PHKG2: variants seen among roughly 807,000 people sequenced by gnomAD.
PHKG2 encodes the protein phosphorylase b kinase gamma catalytic chain, liver/testis isoform.
In PHKG2, 28 loss-of-function variants were observed where a neutral mutation model predicts 44.5. The observed-to-expected ratio is 0.63, with a 90% confidence interval of 0.47 to 0.86. PHKG2 has a LOEUF of 0.86. Among genes scored for constraint, PHKG2 ranks in the 40% least tolerant of loss-of-function variants. PHKG2 has a pLI of 0.00. For missense variants in PHKG2, 498 were observed against 547.5 expected, an observed-to-expected ratio of 0.91 and a Z score of 0.90; for synonymous variants, 220 against 211.2, an observed-to-expected ratio of 1.04 and a Z score of -0.36.
Position 30,759,725 on chromosome 16 carries a change from C to A in PHKG2, c.*2628C>A. 1 of 1,605,974 alleles carries A rather than the reference C, an allele frequency of 6.2e-7. No homozygotes were observed. Among genetic ancestry groups the A allele is most frequent in the Non-Finnish European group, 8.5e-7 (1 of 1,175,546 alleles). ...TCCTCCACGTTGCCCAAGGGGGTTG[C>A]TGGTAGGGAAAGCAAGATGCAGCAG... On this transcript the variant is annotated 3_prime_UTR_variant, in exon 10 of 10. Transcript: ENST00000563588.
chr16:30,751,267 G>A lies in PHKG2; in HGVS notation c.257G>A (p.Gly86Asp). ...RETHILRQVA[G>D]HPHIITLIDS... ...ACACACATCCTTCGCCAGGTCGCCG[G>A]CCACCCCCACATCAGTGAGGCTGTC... The change falls in exon 3 of 10, where the codon GGC becomes GAC. Residue 86 changes from glycine (G) to aspartate (D), a missense_variant. Gly to Asp is a moderately conservative substitution (Grantham distance 94). Transcript: ENST00000563588. 1 of 1,609,990 alleles carries A rather than the reference G, an allele frequency of 6.2e-7. No homozygotes were observed. The highest frequency in any genetic ancestry group is 8.5e-7 in the Non-Finnish European group (1 of 1,180,002).
intron 1 of PHKG2, 35 bp downstream of exon 1, chr16:30,748,525 G>A: frequency 2.1e-6 from 1 of 483,544 alleles, no homozygotes. Flanking sequence ...CCCTTCCTGC[G>A]CCCGCCCGAA....
At chr16:30,755,000 T>C in intron 6 of PHKG2, 1 of 439,326 alleles carries the variant, frequency 2.3e-6, no homozygotes, top group Non-Finnish European at 4.7e-6. Context: ...TTCGGGGCTG[T>C]TAAAATCTCC....
At position 30,756,682 on chromosome 16, in the gene PHKG2, A is replaced by C; in HGVS notation, c.894A>C (p.Gln298His). Residue 298 changes from glutamine to histidine, a missense_variant, in exon 9 of 10, where the codon CAA (glutamine) becomes CAC (histidine). By Grantham distance (24) the Gln-to-His change is conservative. Transcript: ENST00000563588. ...TCTTTGAGCGTTGTGAAGGCAGCCA[A>C]CCCTGGAACCTCACCCCCCGCCAGC... is the stretch of plus-strand genomic sequence containing the variant. ...HPFFERCEGS[Q>H]PWNLTPRQRF... 6.2e-7 allele frequency: 1 copy of C among 1,613,874 alleles called. No individual in the cohort carries two copies. Among genetic ancestry groups the C allele is most frequent in the Non-Finnish European group, 8.5e-7 (1 of 1,179,954 alleles).
At position 30,760,047 on chromosome 16, in the gene PHKG2, C is replaced by T. The variant is rs970328658; in HGVS notation, c.*2950C>T. 1.3e-6 allele frequency: 2 copies of T among 1,520,012 alleles called. No homozygotes were observed. The highest frequency in any genetic ancestry group is 1.8e-6 in the Non-Finnish European group (2 of 1,138,552). 94.2% of individuals were successfully genotyped at this position (1,520,012 alleles called of 1,614,324 possible). A position where few individuals can be genotyped will look rare whatever the true frequency, so the allele number is the denominator to read the frequency against. The stretch of plus-strand genomic sequence containing the variant: ...ATTCTAAAGCAGGTGTTATTGTGCA[C>T]TATGCATATATTTGCATATATTATT... On this transcript the variant is annotated 3_prime_UTR_variant, in exon 10 of 10. Coordinates refer to ENST00000563588, the MANE Select transcript of PHKG2 (RefSeq NM_000294.3).
At position 30,756,361 on chromosome 16, in the gene PHKG2, T is replaced by C. The variant is rs1397981663; in HGVS notation, c.648-6T>C. The C allele has an allele frequency of 1.9e-6, 3 of 1,614,002 alleles. No homozygotes were observed. The highest frequency in any genetic ancestry group is 2.5e-6 in the Non-Finnish European group (3 of 1,180,032). ...TAGTCCCGCCTGACTCCAGTCTCTTTCCCAGCTGGGCCTGTGGGGTGATCT... is the reference window on the plus strand; with the variant it reads ...TAGTCCCGCCTGACTCCAGTCTCTTCCCCAGCTGGGCCTGTGGGGTGATCT... On this transcript the variant is annotated splice_polypyrimidine_tract_variant and splice_region_variant and intron_variant, in intron 7 of 9. Transcript: ENST00000563588.
chr16:30,755,339 G>A (rs2053402851), intron 6 of PHKG2: 1 of 160,134 alleles, frequency 6.2e-6, no homozygotes, highest in Admixed American at 6.0e-5. Flanking sequence ...TGTGGAATCA[G>A]GGAAGGGTTT....
At chr16:30,750,821 C>T (rs2053334204) in intron 2 of PHKG2, among the ~76,000 whole-genome samples, 1 of 152,132 alleles carries the variant, frequency 6.6e-6, no homozygotes, top group Non-Finnish European at 1.5e-5. Context: ...TGCTGAGGCT[C>T]AGTGTGGGAA....
Position 30,748,786 on chromosome 16 carries a change from C to T in PHKG2, c.-18-17C>T. 1 of 1,499,872 alleles carries T rather than the reference C, an allele frequency of 6.7e-7. No individual in the cohort carries two copies. The highest frequency in any genetic ancestry group is 9.1e-7 in the Non-Finnish European group (1 of 1,100,782). The allele number at this position is 1,499,872 out of a possible 1,614,324, so 92.9% of individuals were successfully genotyped here. A position where few individuals can be genotyped will look rare whatever the true frequency, so the allele number is the denominator to read the frequency against. Reference sequence around the variant, plus strand: ...CTGTGGGCCTCCCTGCCCTCACTGCCCTCCTCCTCCGCGCAGGCCCCCGCC... The same window carrying T: ...CTGTGGGCCTCCCTGCCCTCACTGCTCTCCTCCTCCGCGCAGGCCCCCGCC... On this transcript the variant is annotated splice_polypyrimidine_tract_variant and intron_variant, in intron 1 of 9. Coordinates refer to ENST00000563588, the MANE Select transcript of PHKG2 (RefSeq NM_000294.3).
Position 30,757,040 on chromosome 16 carries a change from AGAG to A in PHKG2, c.1169_1171del (p.Glu390del), listed in dbSNP as rs2053442499. 1 of 1,612,904 alleles carries A rather than the reference AGAG, an allele frequency of 6.2e-7. No individual in the cohort carries two copies. The highest frequency in any genetic ancestry group is 1.7e-4 in the Middle Eastern group (1 of 6,056). ...GGCCTTTTCCCATCATGGGCCCTGA[AGAG>A]GAGGGAGACTCTGCTGCTATAACTG... On this transcript the variant is annotated inframe_deletion, in exon 10 of 10. Coordinates refer to ENST00000563588, the MANE Select transcript of PHKG2 (RefSeq NM_000294.3).
rs1213040961 is a variant in PHKG2, at chr16:30,758,908, G to A, written c.*1811G>A. On this transcript the variant is annotated 3_prime_UTR_variant, in exon 10 of 10. Coordinates refer to ENST00000563588, the MANE Select transcript of PHKG2 (RefSeq NM_000294.3). ...TGCATAAGGGATCATTTAGAGAAAG[G>A]ACTCTGACTAAAAACAAAAAGTCTG... 4.6e-6 allele frequency: 7 copies of A among 1,524,098 alleles called. No homozygotes were observed. The highest frequency in any genetic ancestry group is 5.3e-6 in the Non-Finnish European group (6 of 1,140,070). 94.4% of individuals were successfully genotyped at this position (1,524,098 alleles called of 1,614,324 possible).
intron 2 of PHKG2, 47 bp downstream of exon 2, chr16:30,748,962 A>G: frequency 7.7e-7 from 1 of 1,304,080 alleles, no homozygotes; most frequent in East Asian, 2.9e-5. Context: ...GTCGAGCCCC[A>G]GCATTCCCGC....
rs755003711 is a variant in PHKG2 at position 30,760,450 on chromosome 16, C to T, written c.*3353C>T. The T allele has an allele frequency of 2.5e-6, 4 of 1,613,936 alleles. No homozygotes were observed. Among genetic ancestry groups the T allele is most frequent in the Non-Finnish European group, 2.5e-6 (3 of 1,179,968 alleles). On this transcript the variant is annotated 3_prime_UTR_variant, in exon 10 of 10. Coordinates refer to ENST00000563588, the MANE Select transcript of PHKG2 (RefSeq NM_000294.3). ...ACCCTAGCTCCAGCAGCTCAGCCAG[C>T]ACCCTTGGGAGGGAGAGAGGAGTGA...
In PHKG2 at chr16:30,757,703, C is replaced by T; in HGVS notation, c.*606C>T. ...CAGGGTGAGGAGAGATGCTGTCTGGCAATGGGGGGATGGTCCCTAGTTGGG... is the reference window on the plus strand; with the variant it reads ...CAGGGTGAGGAGAGATGCTGTCTGGTAATGGGGGGATGGTCCCTAGTTGGG... On this transcript the variant is annotated 3_prime_UTR_variant, in exon 10 of 10. Coordinates refer to ENST00000563588, the MANE Select transcript of PHKG2 (RefSeq NM_000294.3). 1.3e-6 allele frequency: 2 copies of T among 1,558,364 alleles called. No homozygotes were observed. Among genetic ancestry groups the T allele is most frequent in the South Asian group, 1.2e-5 (1 of 84,020 alleles).
At chr16:30,748,965 A>T in intron 2 of PHKG2, 50 bp downstream of exon 2, 1 of 1,209,478 alleles carries the variant, frequency 8.3e-7, no homozygotes, top group Admixed American at 2.1e-5. Flanking sequence ...GAGCCCCAGC[A>T]TTCCCGCTTC....
At chr16:30,754,081 C>T (rs1440329216) in intron 6 of PHKG2, among the ~76,000 whole-genome samples, 2 of 152,158 alleles carry the variant, frequency 1.3e-5, no homozygotes, top group African/African-American at 2.4e-5. Context: ...TGACTCTCTC[C>T]CTCAATGGTT....
chr16:30,753,192 T>G (rs1335317309), intron 4 of PHKG2, 40 bp from the exon 5 acceptor site: 1 of 1,518,928 alleles, frequency 6.6e-7, no homozygotes. Context: ...CAGCCCCCAC[T>G]GTGGGATGCA....
chr16:30,753,387 C>T lies in PHKG2; in HGVS notation c.393-7C>T. 1 of 1,614,134 alleles carries T rather than the reference C, an allele frequency of 6.2e-7. No individual in the cohort carries two copies. The highest frequency in any genetic ancestry group is 8.5e-7 in the Non-Finnish European group (1 of 1,179,998). On this transcript the variant is annotated splice_region_variant and splice_polypyrimidine_tract_variant and intron_variant, in intron 5 of 9. Coordinates refer to ENST00000563588, the MANE Select transcript of PHKG2 (RefSeq NM_000294.3). ...GAGGAGACTGCACCCGCCTCCCCTTCCCCCAGGTCCATCATGCGGTCTCTG... is the reference window on the plus strand; with the variant it reads ...GAGGAGACTGCACCCGCCTCCCCTTTCCCCAGGTCCATCATGCGGTCTCTG...
At position 30,759,929 on chromosome 16, in the gene PHKG2, G is replaced by A. The variant is rs575930265; in HGVS notation, c.*2832G>A. 279 of 1,438,908 alleles carry A rather than the reference G, an allele frequency of 1.9e-4. No homozygotes were observed. In the South Asian group the frequency reaches 3.9e-3, roughly 20 times the overall value. The allele number at this position is 1,438,908 out of a possible 1,614,324, so 89.1% of individuals were successfully genotyped here. On this transcript the variant is annotated 3_prime_UTR_variant, in exon 10 of 10. Transcript: ENST00000563588. ...TTTCGGCACTGAACAAGACAGACAA[G>A]GTCCTGCCCTTACGAAGCTTATATT...
Sources: gnomAD v4.1 joint callset for allele counts (sites outside exome capture counted in the v4.1 genomes callset) on GRCh38, gnomAD v4.1.1 for gene constraint, MANE v1.5 for transcripts, NCBI Gene and HGNC (gene_info 2026-07-23, HGNC 2026-07-21) for gene names.